Variants in CRLS1 observed in about 807,000 individuals in gnomAD.
The protein encoded by CRLS1 is cardiolipin synthase (CMP-forming).
CRLS1 carries 24 observed loss-of-function variants against 37.0 expected under a neutral mutation model. That is an observed-to-expected ratio of 0.65 (90% CI 0.47 to 0.91). The LOEUF (loss-of-function observed/expected upper bound fraction) is 0.91, where lower values mean the gene tolerates loss of function less well. Among genes scored for constraint, CRLS1 ranks in the 40% least tolerant of loss-of-function variants. The pLI, the probability that CRLS1 is intolerant of heterozygous loss-of-function variation, is 0.00. For synonymous variants in CRLS1, 135 were observed against 159.7 expected (o/e 0.85, Z 1.17); for missense variants, 373 against 395.8 (o/e 0.94, Z 0.49).
intron 5 of CRLS1, among the ~76,000 whole-genome samples, chr20:6,032,874 C>G (rs1199628631): frequency 6.6e-6 from 1 of 151,896 alleles, no homozygotes; most frequent in Non-Finnish European, 1.5e-5. Context: ...TACAGAACTC[C>G]CTGGGGTGGA....
intron 5 of CRLS1, 109 bp from the exon 6 acceptor site, chr20:6,034,355 G>T (rs1980395396): frequency 2.9e-6 from 2 of 696,478 alleles, no homozygotes; most frequent in Non-Finnish European, 5.0e-6. Flanking sequence ...CAGCAAGCAT[G>T]CTGAGGGTAT....
At chr20:6,036,576 G>A (rs1980563242) in intron 6 of CRLS1, among the ~76,000 whole-genome samples, 2 of 152,188 alleles carry the variant, frequency 1.3e-5, no homozygotes, top group Non-Finnish European at 2.9e-5. Context: ...AGAAGCATGG[G>A]GCAGTAGAAA....
intron 3 of CRLS1, among the ~76,000 whole-genome samples, chr20:6,029,358 CTTTTTTTTTTTTT>C (rs11087707): frequency 0.15 from 19,501 of 127,748 alleles, 1,480 homozygotes; most frequent in Middle Eastern, 0.26. Flanking sequence ...ATTTGCTGCT[CTTTTTTTTTTTTT>C]TTTTTTTTTA....
rs1400391870 is a variant in CRLS1 at position 6,006,511 on chromosome 20, GC to G, written c.269del (p.Pro90ArgfsTer26). 7.5e-7 allele frequency: 1 copy of G among 1,336,280 alleles called. No individual in the cohort carries two copies. The highest frequency in any genetic ancestry group is 2.0e-5 in the South Asian group (1 of 49,772). 82.8% of individuals were successfully genotyped at this position (1,336,280 alleles called of 1,614,324 possible). On this transcript the variant is annotated frameshift_variant, in exon 1 of 7. Transcript: ENST00000378863. ...GGCCGGAGCGGGCGCCGCTGCCGAA[GC>G]CCCGGGCGGCCAGTGGGGCCCGGCG... ...PAAGAGAAAEAPGGQWGPAST... is the reference protein window; with the variant it reads ...PAAGAGAAAEXPGGQWGPAST...
At position 6,031,311 on chromosome 20, in the gene CRLS1, A is replaced by G. The variant is rs1314453472; in HGVS notation, c.601A>G (p.Arg201Gly). Reference protein sequence around the residue: ...PVPLTYMIISRDVMLIAAVFY... With the variant: ...PVPLTYMIISGDVMLIAAVFY... ...TCCACTTACTTACATGATCATTTCG[A>G]GAGATGTAATGTTGATTGCTGCTGT... The change falls in exon 4 of 7, where the codon AGA (arginine) becomes GGA (glycine). Residue 201 changes from arginine to glycine, a missense_variant. Coordinates refer to ENST00000378863, the MANE Select transcript of CRLS1 (RefSeq NM_019095.6). The G allele has an allele frequency of 6.2e-7, 1 of 1,607,688 alleles. No homozygotes were observed.
intron 1 of CRLS1, among the ~76,000 whole-genome samples, chr20:6,009,553 C>T (rs990205822): frequency 6.6e-6 from 1 of 152,128 alleles, no homozygotes; most frequent in Non-Finnish European, 1.5e-5. Flanking sequence ...AGGCGTGAGC[C>T]ATCATGCCCA....
At chr20:6,011,435 C>G (rs1420619648) in intron 2 of CRLS1, among the ~76,000 whole-genome samples, 1 of 151,986 alleles carries the variant, frequency 6.6e-6, no homozygotes, top group Non-Finnish European at 1.5e-5. Context: ...TGCATTGTTA[C>G]ATGGCATTTC....
At chr20:6,028,070 T>C (rs1426447249) in intron 3 of CRLS1, among the ~76,000 whole-genome samples, 1 of 152,258 alleles carries the variant, frequency 6.6e-6, no homozygotes, top group Admixed American at 6.5e-5. Flanking sequence ...AGTAGAATGA[T>C]GCATATATGC....
At position 6,006,472 on chromosome 20, in the gene CRLS1, G is replaced by C; in HGVS notation, c.226G>C (p.Ala76Pro). ...CCACTGTTCGGGCGCGGGGAAGGCG[G>C]CTCCCAGGCCAGCGGCCGGAGCGGG... ...RNHCSGAGKA[A>P]PRPAAGAGAA... is the part of the protein sequence containing the mutation. Residue 76 changes from alanine (A) to proline (P), a missense_variant, in exon 1 of 7, where the codon GCT (alanine) becomes CCT (proline). Coordinates refer to ENST00000378863, the MANE Select transcript of CRLS1 (RefSeq NM_019095.6). The C allele has an allele frequency of 7.2e-7, 1 of 1,398,200 alleles. No individual in the cohort carries two copies. Among genetic ancestry groups the C allele is most frequent in the Non-Finnish European group, 9.3e-7 (1 of 1,078,760 alleles). The allele number at this position is 1,398,200 out of a possible 1,614,324, so 86.6% of individuals were successfully genotyped here. A position where few individuals can be genotyped will look rare whatever the true frequency, so the allele number is the denominator to read the frequency against.
intron 3 of CRLS1, among the ~76,000 whole-genome samples, chr20:6,018,944 T>G (rs1399057624): frequency 6.6e-6 from 1 of 152,248 alleles, no homozygotes; most frequent in African/African-American, 2.4e-5. Flanking sequence ...TTTGGCTTGC[T>G]AATATTTTGT....
Position 6,034,650 on chromosome 20 carries a change from C to T in CRLS1, c.821+95C>T. On this transcript the variant is annotated intron_variant, in intron 6 of 6. Coordinates refer to ENST00000378863, the MANE Select transcript of CRLS1 (RefSeq NM_019095.6). ...CCTTGTTCTTACAGCATTTGTTGAG[C>T]ACTGACTGGGTAAAGCTGTGGCTAT... The T allele has an allele frequency of 3.4e-6, 3 of 878,418 alleles. No homozygotes were observed. In the East Asian group the frequency reaches 7.3e-5, roughly 21 times the overall value. 54.4% of individuals were successfully genotyped at this position (878,418 alleles called of 1,614,324 possible). A position where few individuals can be genotyped will look rare whatever the true frequency, so the allele number is the denominator to read the frequency against.
chr20:6,029,358 CTTT>C (rs11087707), intron 3 of CRLS1, among the ~76,000 whole-genome samples: 31 of 127,578 alleles, frequency 2.4e-4, no homozygotes, highest in African/African-American at 1.8e-4. Context: ...ATTTGCTGCT[CTTT>C]TTTTTTTTTT....
chr20:6,027,221 T>C (rs1306185900), intron 3 of CRLS1, among the ~76,000 whole-genome samples: 1 of 151,796 alleles, frequency 6.6e-6, no homozygotes, highest in Admixed American at 6.6e-5. Flanking sequence ...GTAGCTGGGA[T>C]TACAGCCACC....
intron 3 of CRLS1, chr20:6,028,803 A>G (rs539950525): frequency 6.6e-6 from 1 of 152,374 alleles, no homozygotes; most frequent in East Asian, 1.9e-4. Context: ...CATGTTTCAG[A>G]GTTAGCAAGT....
intron 5 of CRLS1, among the ~76,000 whole-genome samples, chr20:6,032,392 T>C (rs1303246938): frequency 6.9e-6 from 1 of 145,120 alleles, no homozygotes; most frequent in African/African-American, 2.6e-5. Flanking sequence ...TGAGACAAGG[T>C]CTTACTTTGT....
chr20:6,006,872 T>C (rs1158904013), intron 1 of CRLS1: 1 of 962,854 alleles, frequency 1.0e-6, no homozygotes, highest in South Asian at 4.8e-5. Flanking sequence ...CTATTTTTAA[T>C]TCTTTTGAAG....
At position 6,038,587 on chromosome 20, in the gene CRLS1, CT is replaced by C. The variant is rs1980737075; in HGVS notation, c.*1430del. ...AAAAAGCAGAGAAGGGGGCATGTGGCTGGCTATTCTTGCTCTCTGGAGAACA... is the reference window on the plus strand; with the variant it reads ...AAAAAGCAGAGAAGGGGGCATGTGGCGGCTATTCTTGCTCTCTGGAGAACA... On this transcript the variant is annotated 3_prime_UTR_variant, in exon 7 of 7. Transcript: ENST00000378863. 1 of 152,356 alleles carries C rather than the reference CT, an allele frequency of 6.6e-6. No individual in the cohort carries two copies. Among genetic ancestry groups the C allele is most frequent in the Non-Finnish European group, 1.5e-5 (1 of 68,146 alleles). 9.4% of individuals were successfully genotyped at this position (152,356 alleles called of 1,614,324 possible).
rs2090056586 is a variant in CRLS1 at position 6,006,471 on chromosome 20, G to A, written c.225G>A (p.Ala75=). 1 of 1,398,352 alleles carries A rather than the reference G, an allele frequency of 7.2e-7. No homozygotes were observed. Among genetic ancestry groups the A allele is most frequent in the African/African-American group, 1.5e-5 (1 of 66,646 alleles). The allele number at this position is 1,398,352 out of a possible 1,614,324, so 86.6% of individuals were successfully genotyped here. Residue 75 remains alanine, a synonymous_variant, in exon 1 of 7, where the codon GCG becomes GCA. Coordinates refer to ENST00000378863, the MANE Select transcript of CRLS1 (RefSeq NM_019095.6). The part of the protein sequence containing the change: ...QRNHCSGAGK[A]APRPAAGAGA... Reference sequence around the variant, plus strand: ...ACCACTGTTCGGGCGCGGGGAAGGCGGCTCCCAGGCCAGCGGCCGGAGCGG... The same window carrying A: ...ACCACTGTTCGGGCGCGGGGAAGGCAGCTCCCAGGCCAGCGGCCGGAGCGG...
chr20:6,036,020 G>T (rs982736201), intron 6 of CRLS1, among the ~76,000 whole-genome samples: 2 of 152,004 alleles, frequency 1.3e-5, no homozygotes, highest in African/African-American at 4.8e-5. Flanking sequence ...GGTCAGGCTG[G>T]TCTCGAACTC....
Sources: gnomAD v4.1 joint callset for allele counts (sites outside exome capture counted in the v4.1 genomes callset) on GRCh38, gnomAD v4.1.1 for gene constraint, MANE v1.5 for transcripts, NCBI Gene and HGNC (gene_info 2026-07-23, HGNC 2026-07-21) for gene names.